LRRC74A: variants seen among roughly 807,000 people sequenced by gnomAD.
LRRC74A encodes leucine rich repeat containing 74A.
LRRC74A carries 44 observed loss-of-function variants against 57.9 expected under a neutral mutation model. That is an observed-to-expected ratio of 0.76 (90% CI 0.60 to 0.98). The LOEUF (loss-of-function observed/expected upper bound fraction) is 0.98. Among genes scored for constraint, LRRC74A ranks in the 50% least tolerant of loss-of-function variants. LRRC74A has a pLI of 0.00. For synonymous variants in LRRC74A, 211 were observed against 219.4 expected (o/e 0.96, Z 0.34); for missense variants, 572 against 574.0 (o/e 1.00, Z 0.04).
intron 11 of LRRC74A, among the ~76,000 whole-genome samples, chr14:76,864,348 G>C (rs563846797): frequency 7.0e-6 from 1 of 143,640 alleles, no homozygotes; most frequent in African/African-American, 2.5e-5. Flanking sequence ...TGAGAAGGAC[G>C]TTGCCAGAAA....
chr14:76,858,163 TG>T (rs1898040181), intron 10 of LRRC74A, among the ~76,000 whole-genome samples: 1 of 152,224 alleles, frequency 6.6e-6, no homozygotes, highest in Non-Finnish European at 1.5e-5. Context: ...TACCACACAC[TG>T]GGTGGCTTAA....
At chr14:76,865,934 A>C in intron 11 of LRRC74A, 34 bp from the exon 12 acceptor site, 1 of 1,449,586 alleles carries the variant, frequency 6.9e-7, no homozygotes, top group Non-Finnish European at 9.6e-7. Context: ...TACAAGACCA[A>C]GTGTTTGCTC....
chr14:76,843,997 A>G (rs1231887634), intron 5 of LRRC74A, among the ~76,000 whole-genome samples: 1 of 148,280 alleles, frequency 6.7e-6, no homozygotes, highest in Non-Finnish European at 1.5e-5. Context: ...CACAGTACCC[A>G]GGCTCCTTTT....
intron 7 of LRRC74A, among the ~76,000 whole-genome samples, chr14:76,850,685 G>A (rs776550538): frequency 6.6e-5 from 10 of 152,010 alleles, no homozygotes; most frequent in Non-Finnish European, 1.3e-4. Flanking sequence ...TGACCAACAT[G>A]ATGAAACCCT....
In LRRC74A at chr14:76,831,343, A is replaced by G; in HGVS notation, c.307A>G (p.Arg103Gly). 1 of 1,613,724 alleles carries G rather than the reference A, an allele frequency of 6.2e-7. No homozygotes were observed. The highest frequency in any genetic ancestry group is 8.5e-7 in the Non-Finnish European group (1 of 1,179,878). The change falls in exon 3 of 14, where the codon AGG (arginine) becomes GGG (glycine). Residue 103 changes from arginine to glycine, a missense_variant. Physicochemically the swap from Arg to Gly is moderately radical, Grantham distance 125. Transcript: ENST00000689127. Reference sequence around the variant, plus strand: ...CCTCAACCACCACGGCCTGGGCCCCAGGGGTACCAAGGCTATTGCTATAGC... The same window carrying G: ...CCTCAACCACCACGGCCTGGGCCCCGGGGGTACCAAGGCTATTGCTATAGC... ...VNLNHHGLGP[R>G]GTKAIAIALV... is the part of the protein sequence containing the mutation.
intron 2 of LRRC74A, among the ~76,000 whole-genome samples, chr14:76,829,619 G>A (rs1443140788): frequency 1.3e-5 from 2 of 152,188 alleles, no homozygotes; most frequent in Non-Finnish European, 2.9e-5. Flanking sequence ...TAACAATAGG[G>A]AACACAGCTA....
At chr14:76,831,111 C>A in intron 2 of LRRC74A, 92 bp from the exon 3 acceptor site, 2 of 1,276,646 alleles carry the variant, frequency 1.6e-6, no homozygotes, top group Admixed American at 2.1e-5. Flanking sequence ...TGGCAGAGGA[C>A]AGTCTAGACA....
chr14:76,844,562 G>C (rs1261261256), intron 6 of LRRC74A, 90 bp downstream of exon 6: 18 of 1,334,128 alleles, frequency 1.3e-5, no homozygotes, highest in Non-Finnish European at 1.8e-5. Context: ...AGTAACGTGA[G>C]GCTACTTTCA....
At chr14:76,863,562 G>A (rs113858248) in intron 11 of LRRC74A, among the ~76,000 whole-genome samples, 13 of 152,254 alleles carry the variant, frequency 8.5e-5, no homozygotes, top group African/African-American at 1.2e-4. Context: ...GGTCAAGAGC[G>A]AACGCCCTTC....
chr14:76,853,263 G>C lies in LRRC74A; in HGVS notation c.810G>C (p.Gly270=). The part of the protein sequence containing the change: ...TKLDLSMNGF[G]NEVALALGEV... ...TGGATCTCTCCATGAATGGCTTTGGGAATGAGGTGGCTCTGGCCCTAGGGG... is the reference window on the plus strand; with the variant it reads ...TGGATCTCTCCATGAATGGCTTTGGCAATGAGGTGGCTCTGGCCCTAGGGG... The change falls in exon 9 of 14, where the codon GGG becomes GGC. Residue 270 remains glycine (G), a synonymous_variant. Coordinates refer to ENST00000689127, the MANE Select transcript of LRRC74A (RefSeq NM_001385106.1). The C allele has an allele frequency of 6.2e-7, 1 of 1,613,692 alleles. No homozygotes were observed. The highest frequency in any genetic ancestry group is 8.5e-7 in the Non-Finnish European group (1 of 1,179,634).
intron 7 of LRRC74A, among the ~76,000 whole-genome samples, chr14:76,852,036 A>C (rs1980415): frequency 0.37 from 55,641 of 152,054 alleles, 10,349 homozygotes; most frequent in East Asian, 0.52. Context: ...TCTGTGCTGT[A>C]GTCTTAGGTA....
intron 10 of LRRC74A, among the ~76,000 whole-genome samples, chr14:76,859,976 A>G (rs1015105356): frequency 6.6e-6 from 1 of 152,070 alleles, no homozygotes; most frequent in African/African-American, 2.4e-5. Context: ...TCGAGCCTGT[A>G]TTAGCCTTCT....
At chr14:76,869,569 G>T (rs1447516870) in intron 13 of LRRC74A, among the ~76,000 whole-genome samples, 1 of 152,064 alleles carries the variant, frequency 6.6e-6, no homozygotes, top group Non-Finnish European at 1.5e-5. Context: ...TGGCCAAGAT[G>T]GTGAAACCCC....
At chr14:76,863,893 G>A (rs996511307) in intron 11 of LRRC74A, among the ~76,000 whole-genome samples, 1 of 152,254 alleles carries the variant, frequency 6.6e-6, no homozygotes, top group African/African-American at 2.4e-5. Flanking sequence ...GCCCCGCTCA[G>A]TCATGAAGCA....
chr14:76,867,447 AGG>A lies in LRRC74A; in HGVS notation c.1391+10_1391+11del. The A allele has an allele frequency of 5.2e-6, 8 of 1,532,838 alleles. No homozygotes were observed. The highest frequency in any genetic ancestry group is 7.2e-6 in the Non-Finnish European group (8 of 1,107,546). The allele number at this position is 1,532,838 out of a possible 1,614,324, so 95.0% of individuals were successfully genotyped here. A position where few individuals can be genotyped will look rare whatever the true frequency, so the allele number is the denominator to read the frequency against. On this transcript the variant is annotated intron_variant, in intron 13 of 13. Transcript: ENST00000689127. ...GGCATGGTGAACTTCAGGTCAGCCC[AGG>A]CCCCGCGACGATCCCCGTTCTCTGC...
chr14:76,831,910 T>C (rs1034085701), intron 3 of LRRC74A, among the ~76,000 whole-genome samples: 7 of 152,198 alleles, frequency 4.6e-5, no homozygotes, highest in Non-Finnish European at 8.8e-5. Context: ...GACCTTGAGT[T>C]CATCATGACT....
chr14:76,830,838 A>G (rs1895922335), intron 2 of LRRC74A, among the ~76,000 whole-genome samples: 1 of 152,240 alleles, frequency 6.6e-6, no homozygotes, highest in Non-Finnish European at 1.5e-5. Flanking sequence ...GCCTTTCAGA[A>G]TTGTCCAAAG....
chr14:76,836,478 T>C lies in LRRC74A; in HGVS notation c.447+164T>C, dbSNP rs547898955. Among the ~76,000 whole-genome samples the C allele has an allele frequency of 8.5e-5, 13 of 152,342 alleles. No homozygotes were observed. In the South Asian group the frequency reaches 2.7e-3, roughly 32 times the overall value. ...GAGGAGGGCCACATGTGAGAGGCTGTGTTTCCTATGGCTGTAGGAAAACCT... is the reference window on the plus strand; with the variant it reads ...GAGGAGGGCCACATGTGAGAGGCTGCGTTTCCTATGGCTGTAGGAAAACCT... On this transcript the variant is annotated intron_variant, in intron 4 of 13. Coordinates refer to ENST00000689127, the MANE Select transcript of LRRC74A (RefSeq NM_001385106.1).
chr14:76,857,858 T>C (rs535781510), intron 10 of LRRC74A, among the ~76,000 whole-genome samples: 3 of 152,344 alleles, frequency 2.0e-5, no homozygotes, highest in Non-Finnish European at 4.4e-5. Context: ...TTGTAGAATC[T>C]GGGTATTAAA....
Sources: gnomAD v4.1 joint callset for allele counts (sites outside exome capture counted in the v4.1 genomes callset) on GRCh38, gnomAD v4.1.1 for gene constraint, MANE v1.5 for transcripts, NCBI Gene and HGNC (gene_info 2026-07-23, HGNC 2026-07-21) for gene names.